Variants in RNF228 observed in about 807,000 individuals in gnomAD.
RNF228 encodes ring finger protein 228.
chr2:222,319,550 G>C, the RNF228 span, among the ~76,000 whole-genome samples: 1 of 145,840 alleles, frequency 6.9e-6, no homozygotes, highest in African/African-American at 2.5e-5. This position sits in a 1 kb window ranked among gnomAD's most constrained non-coding sequence, Gnocchi z 7.6. Context: ...CAGCGGGCGC[G>C]GGCAGGCGCG....
chr2:222,316,151 T>C, the RNF228 span, among the ~76,000 whole-genome samples: 1 of 152,228 alleles, frequency 6.6e-6, no homozygotes, highest in South Asian at 2.1e-4. Context: ...AAGGTGCTGG[T>C]GTATAGGTGT....
the RNF228 span, chr2:222,319,243 G>A: frequency 3.0e-6 from 1 of 330,142 alleles, no homozygotes; most frequent in East Asian, 4.2e-5. This position sits in a 1 kb window ranked among gnomAD's most constrained non-coding sequence, Gnocchi z 7.6. Flanking sequence ...CCGGTGGCCG[G>A]TGCCTCGCCA....
At chr2:222,314,907 A>G in the RNF228 span, among the ~76,000 whole-genome samples, 3 of 152,224 alleles carry the variant, frequency 2.0e-5, no homozygotes, top group African/African-American at 7.2e-5. Flanking sequence ...GCGACAATGT[A>G]GACATGTTCA....
At chr2:222,317,970 T>C in the RNF228 span, 3 of 152,210 alleles carry the variant, frequency 2.0e-5, no homozygotes, top group Non-Finnish European at 4.4e-5. Flanking sequence ...TATCAAACAA[T>C]TTTCTGGAAA....
chr2:222,319,383 C>A, the RNF228 span: 3 of 318,722 alleles, frequency 9.4e-6, no homozygotes, highest in Non-Finnish European at 1.7e-5. The surrounding 1 kb of genome is among the most constrained non-coding windows in gnomAD (Gnocchi z 7.6). Context: ...GAGCGCCGCG[C>A]GCTTGCAGTT....
At chr2:222,314,485 C>T in the RNF228 span, among the ~76,000 whole-genome samples, 2 of 152,294 alleles carry the variant, frequency 1.3e-5, no homozygotes, top group East Asian at 3.9e-4. Context: ...TGCACTATAA[C>T]AAATACAATA....
the RNF228 span, chr2:222,317,926 T>C: frequency 6.6e-6 from 1 of 152,200 alleles, no homozygotes; most frequent in Non-Finnish European, 1.5e-5. Context: ...TCGAAATGTA[T>C]TTGGACTCGA....
At chr2:222,317,233 G>C in the RNF228 span, 86 of 152,304 alleles carry the variant, frequency 5.6e-4, 1 homozygote, top group East Asian at 0.013. Flanking sequence ...TTAATGTCAT[G>C]AAAATAGATA....
chr2:222,315,758 G>A, the RNF228 span, among the ~76,000 whole-genome samples: 4 of 152,184 alleles, frequency 2.6e-5, no homozygotes, highest in African/African-American at 9.7e-5. Context: ...CAAATCCAAT[G>A]TGCTTTCTAG....
chr2:222,317,029 A>T, the RNF228 span, among the ~76,000 whole-genome samples: 1 of 152,176 alleles, frequency 6.6e-6, no homozygotes, highest in Non-Finnish European at 1.5e-5. Flanking sequence ...AATACAACAG[A>T]TCTCACTGGG....
At chr2:222,316,928 A>G in the RNF228 span, among the ~76,000 whole-genome samples, 1 of 152,258 alleles carries the variant, frequency 6.6e-6, no homozygotes, top group East Asian at 1.9e-4. Flanking sequence ...ACCTAAAAAC[A>G]TTTCATAGAA....
the RNF228 span, among the ~76,000 whole-genome samples, chr2:222,316,898 A>G: frequency 6.6e-6 from 1 of 152,224 alleles, no homozygotes; most frequent in Non-Finnish European, 1.5e-5. Context: ...AGTTCTGAAA[A>G]GTGACTTTTA....
the RNF228 span, chr2:222,317,439 T>C: frequency 6.6e-6 from 1 of 152,214 alleles, no homozygotes; most frequent in African/African-American, 2.4e-5. Flanking sequence ...CTTGCATAAA[T>C]ACTCGAGGAA....
At chr2:222,318,364 C>G in the RNF228 span, 3 of 152,268 alleles carry the variant, frequency 2.0e-5, no homozygotes, top group African/African-American at 7.2e-5. Flanking sequence ...CGTGCACCTG[C>G]CCCATCGCGC....
the RNF228 span, among the ~76,000 whole-genome samples, chr2:222,319,703 G>A: frequency 6.9e-6 from 1 of 145,604 alleles, no homozygotes; most frequent in South Asian, 2.1e-4. This position sits in a 1 kb window ranked among gnomAD's most constrained non-coding sequence, Gnocchi z 7.6. Flanking sequence ...GGCACACCGG[G>A]CACGCGATGG....
chr2:222,319,769 AGCGGCGGCG>A, the RNF228 span, among the ~76,000 whole-genome samples: 136 of 140,476 alleles, frequency 9.7e-4, 4 homozygotes, highest in East Asian at 0.025. This position sits in a 1 kb window ranked among gnomAD's most constrained non-coding sequence, Gnocchi z 7.6. Context: ...GCGCGGCGGC[AGCGGCGGCG>A]GCGGCGGCGG....
chr2:222,317,808 G>A, the RNF228 span: 1 of 152,132 alleles, frequency 6.6e-6, no homozygotes, highest in Non-Finnish European at 1.5e-5. Context: ...TTGATTTCAT[G>A]TTTGGGCACT....
the RNF228 span, chr2:222,319,044 C>T: frequency 6.3e-6 from 1 of 159,378 alleles, no homozygotes; most frequent in Non-Finnish European, 1.4e-5. The surrounding 1 kb of genome is among the most constrained non-coding windows in gnomAD (Gnocchi z 7.6). Flanking sequence ...GTCGCTCCTC[C>T]GCGCGCCGCC....
At chr2:222,319,167 G>C in the RNF228 span, 1 of 294,748 alleles carries the variant, frequency 3.4e-6, no homozygotes. The surrounding 1 kb of genome is among the most constrained non-coding windows in gnomAD (Gnocchi z 7.6). Context: ...GACAACGACC[G>C]AGAAGAGTGC....
Sources: allele counts gnomAD v4.1 joint callset (sites outside exome capture counted in the v4.1 genomes callset), GRCh38; gene constraint gnomAD v4.1.1; non-coding constraint Gnocchi (gnomAD v3.1); transcripts MANE v1.5; gene names NCBI Gene and HGNC (gene_info 2026-07-23, HGNC 2026-07-21).